Variants in ANKRD45 observed in about 807,000 individuals in gnomAD.
The protein encoded by ANKRD45 is ankyrin repeat domain-containing protein 45.
In ANKRD45, 21 loss-of-function variants were observed where a neutral mutation model predicts 28.1. The ratio of observed to expected loss-of-function variants is 0.75; its 90% CI spans 0.53 to 1.08. The LOEUF is 1.08. Ranked by LOEUF, ANKRD45 falls within the 50% of genes least tolerant of loss-of-function variation. The pLI, the probability that ANKRD45 is intolerant of heterozygous loss-of-function variation, is 0.00. For missense variants in ANKRD45, 261 were observed against 308.7 expected (o/e 0.85, Z 1.16); for synonymous variants, 86 against 103.9 (o/e 0.83, Z 1.05).
intron 1 of ANKRD45, among the ~76,000 whole-genome samples, chr1:173,666,686 A>C (rs920402251): frequency 1.8e-4 from 27 of 152,348 alleles, no homozygotes; most frequent in African/African-American, 5.5e-4. Context: ...TTTAATCCGC[A>C]GATACAGAGG....
intron 3 of ANKRD45, among the ~76,000 whole-genome samples, chr1:173,627,414 C>G (rs1667988072): frequency 6.6e-6 from 1 of 152,160 alleles, no homozygotes; most frequent in Admixed American, 6.5e-5. Context: ...ACCACACTTC[C>G]CCCATACCCC....
upstream of ANKRD45, among the ~76,000 whole-genome samples, chr1:173,674,520 G>A (rs780633566): frequency 1.3e-5 from 2 of 152,162 alleles, no homozygotes; most frequent in Non-Finnish European, 2.9e-5. Context: ...TCCCCAAGGT[G>A]GTTAGAGCAG....
At chr1:173,614,849 A>C (rs529602451) in intron 5 of ANKRD45, among the ~76,000 whole-genome samples, 2 of 151,796 alleles carry the variant, frequency 1.3e-5, no homozygotes, top group South Asian at 4.2e-4. Context: ...GACAGAGTGT[A>C]GCTGTTGCCC....
At chr1:173,614,207 C>T (rs924980538) in intron 5 of ANKRD45, among the ~76,000 whole-genome samples, 1 of 151,886 alleles carries the variant, frequency 6.6e-6, no homozygotes, top group Admixed American at 6.6e-5. Context: ...CTTCCCTGCA[C>T]TATTGTCCTA....
chr1:173,675,250 T>C, the ANKRD45 span: 2 of 245,544 alleles, frequency 8.1e-6, no homozygotes, highest in African/African-American at 2.4e-5. Flanking sequence ...GACTCCAAAT[T>C]AGGAAAAATG....
intron 5 of ANKRD45, among the ~76,000 whole-genome samples, chr1:173,620,194 C>T (rs983317768): frequency 6.6e-6 from 1 of 152,206 alleles, no homozygotes; most frequent in Non-Finnish European, 1.5e-5. Context: ...AAATTGATCA[C>T]ATATGCAGAA....
intron 3 of ANKRD45, among the ~76,000 whole-genome samples, chr1:173,629,372 A>G (rs1026762976): frequency 3.3e-5 from 5 of 152,208 alleles, no homozygotes; most frequent in African/African-American, 1.2e-4. Flanking sequence ...AATTCAAAAT[A>G]GGTATTTTGA....
intron 2 of ANKRD45, among the ~76,000 whole-genome samples, chr1:173,654,818 T>G (rs1222303507): frequency 6.6e-6 from 1 of 152,068 alleles, no homozygotes. Context: ...TTTCTCTAAT[T>G]TTGTCCTCTC....
the ANKRD45 span, among the ~76,000 whole-genome samples, chr1:173,709,922 C>T: frequency 6.6e-6 from 1 of 152,178 alleles, no homozygotes; most frequent in Non-Finnish European, 1.5e-5. Flanking sequence ...ATAAGCCACC[C>T]TACTAGGTGT....
chr1:173,627,746 A>C (rs1667999249), intron 3 of ANKRD45, among the ~76,000 whole-genome samples: 1 of 152,074 alleles, frequency 6.6e-6, no homozygotes, highest in Admixed American at 6.5e-5. Flanking sequence ...TGCAGGGATC[A>C]GAGCCAGTGG....
chr1:173,663,612 T>C (rs1669881504), intron 1 of ANKRD45, among the ~76,000 whole-genome samples: 1 of 152,224 alleles, frequency 6.6e-6, no homozygotes, highest in Non-Finnish European at 1.5e-5. Context: ...TGGCCACATG[T>C]CCAAATAGTA....
chr1:173,632,179 T>G (rs1327269727), intron 3 of ANKRD45, among the ~76,000 whole-genome samples: 1 of 151,790 alleles, frequency 6.6e-6, no homozygotes, highest in Non-Finnish European at 1.5e-5. Context: ...TCCACAGAAA[T>G]TCAAAAGATC....
the ANKRD45 span, among the ~76,000 whole-genome samples, chr1:173,711,363 CA>C: frequency 6.6e-6 from 1 of 152,188 alleles, no homozygotes; most frequent in African/African-American, 2.4e-5. Context: ...CATGAAACAT[CA>C]ATCAACATAT....
the ANKRD45 span, among the ~76,000 whole-genome samples, chr1:173,693,064 C>T: frequency 6.6e-6 from 1 of 151,954 alleles, no homozygotes; most frequent in Non-Finnish European, 1.5e-5. Context: ...GGATGGGGGG[C>T]CGGGGGGGTG....
chr1:173,705,708 A>AT, the ANKRD45 span, among the ~76,000 whole-genome samples: 2 of 152,140 alleles, frequency 1.3e-5, no homozygotes, highest in Middle Eastern at 6.8e-3. Flanking sequence ...GCTTAAGTGA[A>AT]TTTTTTAATT....
chr1:173,707,308 A>G, the ANKRD45 span, among the ~76,000 whole-genome samples: 1 of 149,344 alleles, frequency 6.7e-6, no homozygotes, highest in Non-Finnish European at 1.5e-5. Flanking sequence ...TTGCTTCTAG[A>G]TTTTGAGTCA....
At chr1:173,628,595 G>A (rs1001741725) in intron 3 of ANKRD45, among the ~76,000 whole-genome samples, 6 of 151,844 alleles carry the variant, frequency 4.0e-5, no homozygotes, top group Admixed American at 1.3e-4. Context: ...CTTATGGCTC[G>A]GGTGCCAGCT....
At chr1:173,701,659 G>A in the ANKRD45 span, among the ~76,000 whole-genome samples, 298 of 152,138 alleles carry the variant, frequency 2.0e-3, 2 homozygotes, top group African/African-American at 6.7e-3. Context: ...CCACACACCG[G>A]GGCCTGTCGT....
At chr1:173,636,205 C>G (rs1269848525) in intron 3 of ANKRD45, among the ~76,000 whole-genome samples, 1 of 152,120 alleles carries the variant, frequency 6.6e-6, no homozygotes, top group East Asian at 1.9e-4. Flanking sequence ...GGATCTGTAA[C>G]AAGAGATCTC....
Sources: gnomAD v4.1 joint callset for allele counts (sites outside exome capture counted in the v4.1 genomes callset) on GRCh38, gnomAD v4.1.1 for gene constraint, MANE v1.5 for transcripts, NCBI Gene and HGNC (gene_info 2026-07-23, HGNC 2026-07-21) for gene names.